Variants in MCC observed in about 807,000 individuals in gnomAD.
MCC encodes the protein colorectal mutant cancer protein.
A neutral mutation model predicts 116.2 loss-of-function variants in MCC; 90 were observed. The ratio of observed to expected loss-of-function variants is 0.77; its 90% confidence interval spans 0.65 to 0.92. The LOEUF is 0.92. MCC is among the 40% of genes least tolerant of loss of function. The pLI, the probability that MCC is intolerant of heterozygous loss-of-function variation, is 0.00. For synonymous variants in MCC, 578 were observed against 510.5 expected (o/e 1.13, Z -1.78); for missense variants, 1,516 against 1,312.2 (o/e 1.16, Z -2.40).
intron 1 of MCC, among the ~76,000 whole-genome samples, chr5:113,477,352 T>C (rs561731655): frequency 1.3e-5 from 2 of 152,268 alleles, no homozygotes; most frequent in East Asian, 3.9e-4. Context: ...CACTTTGAAA[T>C]ACTCAGTACA....
At chr5:113,485,409 T>C (rs1772492896) in intron 1 of MCC, among the ~76,000 whole-genome samples, 2 of 152,208 alleles carry the variant, frequency 1.3e-5, no homozygotes, top group East Asian at 1.9e-4. Flanking sequence ...GTTTAGGAGG[T>C]AATGTGCCTA....
intron 3 of MCC, among the ~76,000 whole-genome samples, chr5:113,231,253 A>C (rs922295349): frequency 6.6e-6 from 1 of 152,042 alleles, no homozygotes; most frequent in Non-Finnish European, 1.5e-5. Flanking sequence ...CTTTTACCAT[A>C]AGAAGAGAGT....
At chr5:113,173,594 C>G (rs1458908302) in intron 3 of MCC, among the ~76,000 whole-genome samples, 1 of 152,222 alleles carries the variant, frequency 6.6e-6, no homozygotes, top group African/African-American at 2.4e-5. Context: ...TCAGTGTAAT[C>G]ATGTGCATGA....
chr5:113,142,811 T>G (rs1316037296), intron 5 of MCC, among the ~76,000 whole-genome samples: 3 of 152,212 alleles, frequency 2.0e-5, no homozygotes, highest in Non-Finnish European at 4.4e-5. Context: ...GGACACAGTT[T>G]GCATATTTAG....
In MCC at chr5:113,469,489, G is replaced by T. The variant is rs551786400; in HGVS notation, c.170+18756C>A. On this transcript the variant is annotated intron_variant, in intron 1 of 18. Transcript: ENST00000408903. Reference sequence around the variant, plus strand: ...TTGTTCAGTTTCCATGTAGTTGTGCGGTTTTGAGTGAGTTTCTCAATCCTG... The same window carrying T: ...TTGTTCAGTTTCCATGTAGTTGTGCTGTTTTGAGTGAGTTTCTCAATCCTG... Among the ~76,000 whole-genome samples, 90 of 152,204 alleles carry T rather than the reference G, an allele frequency of 5.9e-4. 1 individual carries two copies. The highest frequency in any genetic ancestry group is 2.0e-3 in the African/African-American group (84 of 41,532).
Position 113,340,519 on chromosome 5 carries a change from T to C in MCC, c.627A>G (p.Thr209=). ...ATTCCATGAACCAAAAAGTACTCACTGTGTTGGCCAGCTCTAGATAGCTTC... is the reference window on the plus strand; with the variant it reads ...ATTCCATGAACCAAAAAGTACTCACCGTGTTGGCCAGCTCTAGATAGCTTC... ...VGGSYLELAN[T]LHSAALASLK... is the part of the protein sequence containing the mutation. The change falls in exon 3 of 19, where the codon ACA becomes ACG. Residue 209 remains threonine (T), a splice_region_variant and synonymous_variant. Transcript: ENST00000408903. 6.2e-7 allele frequency: 1 copy of C among 1,613,876 alleles called. No individual in the cohort carries two copies. Among genetic ancestry groups the C allele is most frequent in the Non-Finnish European group, 8.5e-7 (1 of 1,179,794 alleles).
Position 113,250,353 on chromosome 5 carries a change from C to T in MCC, c.627+90166G>A, listed in dbSNP as rs192853787. On this transcript the variant is annotated intron_variant, in intron 3 of 18. Transcript: ENST00000408903. ...GGGAAAACTGGAAGATTGTTTAGTC[C>T]AACCTCCTCAGTTTACACAAGAAGA... Among the ~76,000 whole-genome samples the T allele has an allele frequency of 5.3e-5, 8 of 152,268 alleles. No individual in the cohort carries two copies. In the South Asian group the frequency reaches 1.0e-3, roughly 20 times the overall value.
chr5:113,414,431 G>A (rs1770084842), intron 1 of MCC, among the ~76,000 whole-genome samples: 1 of 152,134 alleles, frequency 6.6e-6, no homozygotes, highest in South Asian at 2.1e-4. Context: ...CTAAGGACTT[G>A]CTTTATGAAT....
At chr5:113,044,890 A>G (rs908580024) in intron 16 of MCC, among the ~76,000 whole-genome samples, 1 of 152,198 alleles carries the variant, frequency 6.6e-6, no homozygotes, top group Non-Finnish European at 1.5e-5. Flanking sequence ...AGAAAATTTT[A>G]TAAGATATGA....
intron 5 of MCC, among the ~76,000 whole-genome samples, chr5:113,128,899 G>A (rs1256580436): frequency 6.6e-6 from 1 of 152,198 alleles, no homozygotes; most frequent in African/African-American, 2.4e-5. Context: ...ATGCCTGTGT[G>A]TTTTGTTGGC....
chr5:113,247,358 A>C (rs974226289), intron 3 of MCC, among the ~76,000 whole-genome samples: 9 of 152,210 alleles, frequency 5.9e-5, no homozygotes, highest in Non-Finnish European at 1.0e-4. Flanking sequence ...ACACAAAGGT[A>C]GACCTTGGAA....
At chr5:113,075,430 C>T (rs1754369416) in intron 11 of MCC, among the ~76,000 whole-genome samples, 1 of 152,234 alleles carries the variant, frequency 6.6e-6, no homozygotes, top group Non-Finnish European at 1.5e-5. Context: ...GGGTGCATGG[C>T]ACGGGACTGG....
At chr5:113,224,228 G>A (rs1040651357) in intron 3 of MCC, among the ~76,000 whole-genome samples, 3 of 152,018 alleles carry the variant, frequency 2.0e-5, no homozygotes, top group Non-Finnish European at 4.4e-5. Context: ...CCGAGTAGTT[G>A]GGATCAGGCA....
chr5:113,246,692 T>C (rs1217715552), intron 3 of MCC, among the ~76,000 whole-genome samples: 4 of 152,352 alleles, frequency 2.6e-5, no homozygotes, highest in East Asian at 1.9e-4. Flanking sequence ...CTTTCTGTGA[T>C]TGTGGTTAGG....
intron 1 of MCC, among the ~76,000 whole-genome samples, chr5:113,398,066 C>T (rs1395635208): frequency 6.6e-6 from 1 of 152,100 alleles, no homozygotes; most frequent in African/African-American, 2.4e-5. Flanking sequence ...ACGCAAGTGG[C>T]CAACAAACAT....
chr5:113,199,416 G>C (rs1037821030), intron 3 of MCC, among the ~76,000 whole-genome samples: 1 of 152,082 alleles, frequency 6.6e-6, no homozygotes, highest in Non-Finnish European at 1.5e-5. Flanking sequence ...TTTATATAAG[G>C]GGTCCTGAAC....
At chr5:113,301,369 G>A (rs911849622) in intron 3 of MCC, among the ~76,000 whole-genome samples, 3 of 152,124 alleles carry the variant, frequency 2.0e-5, no homozygotes, top group Admixed American at 6.5e-5. Flanking sequence ...GGAGGCTGAG[G>A]GAGGAGAATC....
chr5:113,280,968 C>T (rs1316743068), intron 3 of MCC, among the ~76,000 whole-genome samples: 1 of 152,196 alleles, frequency 6.6e-6, no homozygotes, highest in Non-Finnish European at 1.5e-5. Context: ...CTTCAGTTCC[C>T]TTCCCATTGC....
chr5:113,268,628 C>T (rs569489376), intron 3 of MCC, among the ~76,000 whole-genome samples: 3 of 152,312 alleles, frequency 2.0e-5, no homozygotes, highest in African/African-American at 7.2e-5. Flanking sequence ...TACAAAGCGT[C>T]TCTCAATTTA....
Sources: allele counts gnomAD v4.1 joint callset (sites outside exome capture counted in the v4.1 genomes callset), GRCh38; gene constraint gnomAD v4.1.1; transcripts MANE v1.5; gene names NCBI Gene and HGNC (gene_info 2026-07-23, HGNC 2026-07-21).